SPART: variants seen among roughly 807,000 people sequenced by gnomAD.
SPART encodes the protein spartin.
Under a neutral mutation model 58.7 loss-of-function variants are expected in SPART, and 35 were observed. The observed-to-expected ratio is 0.60, with a 90% confidence interval of 0.46 to 0.79. The LOEUF (loss-of-function observed/expected upper bound fraction) is 0.79. Ranked by LOEUF, SPART falls within the 30% of genes least tolerant of loss-of-function variation. SPART has a pLI of 0.00. For synonymous variants in SPART, 284 were observed against 280.7 expected (o/e 1.01, Z -0.12); for missense variants, 730 against 786.1 (o/e 0.93, Z 0.85).
chr13:36,304,762 T>C, intron 8 of SPART, 130 bp from the exon 9 acceptor site: 1 of 928,772 alleles, frequency 1.1e-6, no homozygotes, highest in Non-Finnish European at 1.6e-6. Context: ...TAGGTTTCAA[T>C]TTAATTAATA....
In SPART at chr13:36,352,762, G is replaced by T. The variant is rs1593289946; in HGVS notation, c.-2-16930C>A. 2.7e-5 allele frequency among the ~76,000 whole-genome samples: 4 copies of T among 150,148 alleles called. No individual in the cohort carries two copies. In the South Asian group the frequency reaches 8.5e-4, roughly 32 times the overall value. On this transcript the variant is annotated intron_variant, in intron 1 of 8. Transcript: ENST00000355182. ...AGAAGTTCAAGACCAGACCAGCCTG[G>T]GCAACACAGGGAGATCCCGTTTCCA... is the stretch of plus-strand genomic sequence containing the variant.
At chr13:36,314,015 T>G in intron 6 of SPART, 1 of 577,994 alleles carries the variant, frequency 1.7e-6, no homozygotes, top group South Asian at 2.2e-5. Context: ...GGTGTGTCTG[T>G]CCCTAAAATT....
chr13:36,310,392 AT>A (rs1474675772), intron 8 of SPART, among the ~76,000 whole-genome samples: 1 of 152,102 alleles, frequency 6.6e-6, no homozygotes, highest in East Asian at 1.9e-4. Flanking sequence ...CTAGTATTGT[AT>A]AAAGAAAGTA....
chr13:36,327,019 T>C (rs1883000247), intron 4 of SPART, among the ~76,000 whole-genome samples: 1 of 152,178 alleles, frequency 6.6e-6, no homozygotes. Flanking sequence ...ATATCATCCC[T>C]AGATATTAGT....
rs544260111 is a variant in SPART, at chr13:36,317,997, A to G, written c.1289-3576T>C. Among the ~76,000 whole-genome samples the G allele has an allele frequency of 2.6e-5, 4 of 152,012 alleles. No individual in the cohort carries two copies. The South Asian group carries it at 8.3e-4, about 32-fold the overall frequency. Reference sequence around the variant, plus strand: ...CCCTTCCTAGTCTGTGCCCAGTGCAACTCGTCCCAAATCTTCCTTCTTTCC... The same window carrying G: ...CCCTTCCTAGTCTGTGCCCAGTGCAGCTCGTCCCAAATCTTCCTTCTTTCC... On this transcript the variant is annotated intron_variant, in intron 5 of 8. Transcript: ENST00000438666.
chr13:36,347,344 G>C (rs1208875785), upstream of SPART, among the ~76,000 whole-genome samples: 5 of 152,244 alleles, frequency 3.3e-5, no homozygotes, highest in South Asian at 8.3e-4. Flanking sequence ...TCAGCCTCCA[G>C]AGAAGCTGGA....
intron 5 of SPART, among the ~76,000 whole-genome samples, chr13:36,320,374 A>G (rs1047611531): frequency 6.6e-6 from 1 of 151,478 alleles, no homozygotes; most frequent in Admixed American, 6.6e-5. Context: ...CATTCACCCC[A>G]TTTCCCCAAA....
chr13:36,311,870 C>T (rs1881146566), intron 8 of SPART, among the ~76,000 whole-genome samples: 1 of 152,034 alleles, frequency 6.6e-6, no homozygotes. Flanking sequence ...GGCAGATCAC[C>T]TGAGGTCAGG....
At chr13:36,333,415 T>G (rs1005880340) in intron 2 of SPART, among the ~76,000 whole-genome samples, 1 of 140,582 alleles carries the variant, frequency 7.1e-6, no homozygotes, top group Non-Finnish European at 1.5e-5. Flanking sequence ...AGTATTTAGT[T>G]GGATTATTAT....
chr13:36,343,315 A>G lies in SPART; in HGVS notation c.-3+2910T>C, dbSNP rs373457100. ...AAGCATAAAAATGCATTACCTTAAGATAATATTCTGTGGGGTGGGGGTGAT... is the reference window on the plus strand; with the variant it reads ...AAGCATAAAAATGCATTACCTTAAGGTAATATTCTGTGGGGTGGGGGTGAT... On this transcript the variant is annotated intron_variant, in intron 1 of 8. Transcript: ENST00000438666. 8.5e-5 allele frequency among the ~76,000 whole-genome samples: 13 copies of G among 152,316 alleles called. No homozygotes were observed. The East Asian group carries it at 2.5e-3, about 29-fold the overall frequency.
chr13:36,364,191 A>G (rs1885973401), intron 1 of SPART, among the ~76,000 whole-genome samples: 1 of 152,100 alleles, frequency 6.6e-6, no homozygotes, highest in Non-Finnish European at 1.5e-5. Flanking sequence ...TATCTTTTCT[A>G]TTTGGATAAT....
chr13:36,341,969 T>C (rs372105915), intron 1 of SPART, among the ~76,000 whole-genome samples: 12 of 152,328 alleles, frequency 7.9e-5, no homozygotes, highest in Admixed American at 6.5e-5. Flanking sequence ...GTATTTTATC[T>C]TCCTCAGGAT....
upstream of SPART, among the ~76,000 whole-genome samples, chr13:36,348,814 A>G (rs936976047): frequency 1.3e-5 from 2 of 152,146 alleles, no homozygotes; most frequent in Admixed American, 6.5e-5. Flanking sequence ...CAAGATCCCA[A>G]ATGACTTTTT....
chr13:36,350,649 TA>T (rs894586651), upstream of SPART, among the ~76,000 whole-genome samples: 9 of 152,140 alleles, frequency 5.9e-5, no homozygotes, highest in South Asian at 2.1e-4. Context: ...CAGATCCTTC[TA>T]AAAAAAATAA....
chr13:36,346,713 C>G (rs1031792320), upstream of SPART: 3 of 65,906 alleles, frequency 4.6e-5, no homozygotes, highest in African/African-American at 1.3e-4. Flanking sequence ...CCCGCGCAGA[C>G]CCCCCCAGGC....
chr13:36,314,493 A>C, intron 5 of SPART, 72 bp from the exon 6 acceptor site: 1 of 1,391,846 alleles, frequency 7.2e-7, no homozygotes, highest in Non-Finnish European at 1.0e-6. Flanking sequence ...AATAAATAAC[A>C]TCAACCAGAA....
At chr13:36,361,510 T>G (rs938389575) in intron 1 of SPART, among the ~76,000 whole-genome samples, 1 of 152,124 alleles carries the variant, frequency 6.6e-6, no homozygotes, top group Non-Finnish European at 1.5e-5. Context: ...GTTCAAGAAA[T>G]TGTCCCGCCT....
intron 3 of SPART, 138 bp from the exon 4 acceptor site, chr13:36,329,655 C>CT: frequency 8.0e-6 from 7 of 879,846 alleles, no homozygotes; most frequent in Non-Finnish European, 9.0e-6. Flanking sequence ...ACTACTTTTG[C>CT]TTTTTTCTCT....
chr13:36,317,471 A>ACTT (rs199824609), intron 5 of SPART, among the ~76,000 whole-genome samples: 36,187 of 149,466 alleles, frequency 0.24, 4,778 homozygotes, highest in East Asian at 0.5. Context: ...CTGTGCCCTA[A>ACTT]CTTAACTCTG....
Sources: gnomAD v4.1 joint callset for allele counts (sites outside exome capture counted in the v4.1 genomes callset) on GRCh38, gnomAD v4.1.1 for gene constraint, MANE v1.5 for transcripts, NCBI Gene and HGNC (gene_info 2026-07-23, HGNC 2026-07-21) for gene names.